Variants in EPHA5 observed in about 807,000 individuals in gnomAD.
EPHA5 encodes ephrin type-A receptor 5.
A neutral mutation model predicts 105.0 loss-of-function variants in EPHA5; 60 were observed. That is an observed-to-expected ratio of 0.57 (90% CI 0.46 to 0.71). The LOEUF (loss-of-function observed/expected upper bound fraction) is 0.71. EPHA5 is among the 30% of genes least tolerant of loss of function. The probability of loss-of-function intolerance (pLI) is 0.00; values close to 1 mark genes in which losing one functional copy is unlikely to be tolerated. For missense variants in EPHA5, 1,218 were observed against 1,274.7 expected (o/e 0.96, Z 0.68); for synonymous variants, 513 against 449.1 (o/e 1.14, Z -1.80).
At chr4:65,461,844 G>A (rs1046460799) in intron 5 of EPHA5, among the ~76,000 whole-genome samples, 1 of 151,944 alleles carries the variant, frequency 6.6e-6, no homozygotes, top group African/African-American at 2.4e-5. Context: ...AATATAAAAA[G>A]GAGAAAAATG....
chr4:65,609,639 C>A (rs1480712334), intron 2 of EPHA5, among the ~76,000 whole-genome samples: 1 of 130,536 alleles, frequency 7.7e-6, no homozygotes, highest in African/African-American at 2.7e-5. Flanking sequence ...GGAAAAAAAT[C>A]AGTTTTTTTT....
chr4:65,607,041 G>A (rs1216024093), intron 2 of EPHA5, among the ~76,000 whole-genome samples: 1 of 151,872 alleles, frequency 6.6e-6, no homozygotes, highest in East Asian at 1.9e-4. Flanking sequence ...ATAAAATATA[G>A]GTTTTAAATT....
intron 3 of EPHA5, among the ~76,000 whole-genome samples, chr4:65,578,899 G>A (rs553048486): frequency 7.2e-5 from 11 of 151,938 alleles, no homozygotes; most frequent in Non-Finnish European, 1.5e-4. Context: ...CCATATTGGT[G>A]TAAAATGCTA....
intron 5 of EPHA5, among the ~76,000 whole-genome samples, chr4:65,445,641 T>C (rs983656812): frequency 2.6e-5 from 4 of 152,162 alleles, no homozygotes; most frequent in East Asian, 1.9e-4. Flanking sequence ...ATTTTAGCCC[T>C]TTTTTCCTAT....
At chr4:65,612,986 G>T (rs1415442847) in intron 2 of EPHA5, among the ~76,000 whole-genome samples, 1 of 151,918 alleles carries the variant, frequency 6.6e-6, no homozygotes, top group Non-Finnish European at 1.5e-5. Flanking sequence ...CCATGGTTTT[G>T]CTTAGGATTT....
At chr4:65,450,621 T>C (rs775234492) in intron 5 of EPHA5, among the ~76,000 whole-genome samples, 1 of 152,188 alleles carries the variant, frequency 6.6e-6, no homozygotes, top group Non-Finnish European at 1.5e-5. Flanking sequence ...TAATTATTAA[T>C]CATATCAAAC....
intron 5 of EPHA5, among the ~76,000 whole-genome samples, chr4:65,485,827 C>T (rs1730828673): frequency 6.6e-6 from 1 of 152,062 alleles, no homozygotes; most frequent in Non-Finnish European, 1.5e-5. Flanking sequence ...ATCAGAAGAC[C>T]TTAGATGTTC....
rs1272134214 is a variant in EPHA5 at position 65,670,041 on chromosome 4, G to T, written c.-299C>A. 1.1e-5 allele frequency: 4 copies of T among 378,844 alleles called. No individual in the cohort carries two copies. The highest frequency in any genetic ancestry group is 1.4e-5 in the Non-Finnish European group (3 of 216,496). 23.5% of individuals were successfully genotyped at this position (378,844 alleles called of 1,614,324 possible). On this transcript the variant is annotated 5_prime_UTR_variant, in exon 1 of 17. Transcript: ENST00000613740. ...AGAGGGTCCTGGGTCCTGTTCCTTT[G>T]CCTTTCAAAAAGACTTTTTACGGAT...
At position 65,397,119 on chromosome 4, in the gene EPHA5, G is replaced by A. The variant is rs73220312; in HGVS notation, c.1793+7255C>T. Among the ~76,000 whole-genome samples, 244 of 152,342 alleles carry A rather than the reference G, an allele frequency of 1.6e-3. 1 individual carries two copies. The highest frequency in any genetic ancestry group is 5.6e-3 in the African/African-American group (234 of 41,588). On this transcript the variant is annotated intron_variant, in intron 8 of 16. Transcript: ENST00000613740. The stretch of plus-strand genomic sequence containing the variant: ...CCAATTTGCAATGGGGACCACTGAA[G>A]ACCAGACTGTCCTTGGAGACAGGTC...
chr4:65,479,869 A>T (rs1730185873), intron 5 of EPHA5, among the ~76,000 whole-genome samples: 1 of 152,220 alleles, frequency 6.6e-6, no homozygotes, highest in African/African-American at 2.4e-5. Flanking sequence ...TCATAATAAT[A>T]CTTTATGAAA....
chr4:65,352,491 A>G (rs1221301827), intron 12 of EPHA5, among the ~76,000 whole-genome samples: 4 of 152,034 alleles, frequency 2.6e-5, no homozygotes, highest in Admixed American at 1.3e-4. Context: ...TTGCACATGA[A>G]GAAAATCTTT....
At chr4:65,400,567 A>G (rs1301268947) in intron 8 of EPHA5, among the ~76,000 whole-genome samples, 1 of 152,130 alleles carries the variant, frequency 6.6e-6, no homozygotes, top group Non-Finnish European at 1.5e-5. Context: ...ATTATTTTAA[A>G]TTGTGTCTAG....
chr4:65,625,570 T>C (rs972305367), intron 2 of EPHA5, among the ~76,000 whole-genome samples: 1 of 152,138 alleles, frequency 6.6e-6, no homozygotes, highest in Non-Finnish European at 1.5e-5. Flanking sequence ...GTCAATATTA[T>C]AATCTTTAGT....
chr4:65,357,820 G>GGT (rs1156378309), intron 11 of EPHA5, among the ~76,000 whole-genome samples: 8 of 151,138 alleles, frequency 5.3e-5, no homozygotes, highest in East Asian at 1.9e-4. Context: ...TATAGCTCAA[G>GGT]GTGTGTGTGT....
At chr4:65,490,338 A>G in intron 5 of EPHA5, 39 bp downstream of exon 5, 4 of 1,564,424 alleles carry the variant, frequency 2.6e-6, no homozygotes, top group Non-Finnish European at 3.5e-6. Flanking sequence ...TGACAGAACT[A>G]GGCCTCACAT....
chr4:65,556,891 T>C lies in EPHA5; in HGVS notation c.910+44750A>G, dbSNP rs555185014. 3.9e-5 allele frequency among the ~76,000 whole-genome samples: 6 copies of C among 152,140 alleles called. No homozygotes were observed. In the East Asian group the frequency reaches 1.2e-3, roughly 29 times the overall value. On this transcript the variant is annotated intron_variant, in intron 3 of 16. Coordinates refer to ENST00000613740, the MANE Select transcript of EPHA5 (RefSeq NM_001281766.3). Reference sequence around the variant, plus strand: ...AGTAAAAATTCAGCTTTTTGTGGTCTAAAAAACATACTGTGTTCTAAATTC... The same window carrying C: ...AGTAAAAATTCAGCTTTTTGTGGTCCAAAAAACATACTGTGTTCTAAATTC...
At chr4:65,331,861 C>T in intron 16 of EPHA5, 112 bp downstream of exon 16, 1 of 1,446,590 alleles carries the variant, frequency 6.9e-7, no homozygotes, top group African/African-American at 1.4e-5. Flanking sequence ...TCTTTGAGAG[C>T]TGCCACACAT....
chr4:65,442,282 TAA>T (rs1726096131), intron 5 of EPHA5, among the ~76,000 whole-genome samples: 2 of 152,084 alleles, frequency 1.3e-5, no homozygotes, highest in African/African-American at 4.8e-5. Flanking sequence ...GAGGAAACCT[TAA>T]AGAGATCTTT....
At chr4:65,517,054 G>C (rs1374176029) in intron 3 of EPHA5, among the ~76,000 whole-genome samples, 2 of 152,006 alleles carry the variant, frequency 1.3e-5, no homozygotes, top group African/African-American at 2.4e-5. Context: ...CAATTACTTA[G>C]AGAAGTGTGT....
Sources: allele counts gnomAD v4.1 joint callset (sites outside exome capture counted in the v4.1 genomes callset), GRCh38; gene constraint gnomAD v4.1.1; transcripts MANE v1.5; gene names NCBI Gene and HGNC (gene_info 2026-07-23, HGNC 2026-07-21).